Variants in SIRPG observed in about 807,000 individuals in gnomAD.
The protein encoded by SIRPG is signal-regulatory protein gamma.
SIRPG carries 38 observed loss-of-function variants against 35.7 expected under a neutral mutation model. That is an observed-to-expected ratio of 1.06 (90% CI 0.82 to 1.40). SIRPG has a LOEUF of 1.40. Among genes scored for constraint, SIRPG ranks in the 40% most tolerant of loss-of-function variants. SIRPG has a pLI of 0.00. For synonymous variants in SIRPG, 215 were observed against 190.4 expected (o/e 1.13, Z -1.06); for missense variants, 519 against 483.0 (o/e 1.07, Z -0.70).
intron 1 of SIRPG, among the ~76,000 whole-genome samples, chr20:1,653,242 G>A (rs1036524083): frequency 3.4e-4 from 52 of 152,136 alleles, no homozygotes; most frequent in Admixed American, 3.3e-3. Flanking sequence ...AGTTCAAATC[G>A]TAGCTCTACC....
chr20:1,666,703 T>C, the SIRPG span: 11 of 152,180 alleles, frequency 7.2e-5, no homozygotes, highest in Non-Finnish European at 1.6e-4. Flanking sequence ...ATGGTGTTTA[T>C]AAAGTCTACA....
the SIRPG span, among the ~76,000 whole-genome samples, chr20:1,679,066 G>A: frequency 6.6e-6 from 1 of 152,134 alleles, no homozygotes; most frequent in Non-Finnish European, 1.5e-5. Flanking sequence ...TGAATAGCAC[G>A]ATGTCTCCAG....
intron 1 of SIRPG, among the ~76,000 whole-genome samples, chr20:1,656,109 CT>C (rs1488344707): frequency 3.3e-5 from 5 of 152,220 alleles, no homozygotes; most frequent in African/African-American, 9.6e-5. Context: ...CATACATACA[CT>C]AGTGTTTTAC....
intron 2 of SIRPG, among the ~76,000 whole-genome samples, chr20:1,642,547 C>T (rs1198739717): frequency 6.6e-5 from 10 of 152,062 alleles, no homozygotes; most frequent in Admixed American, 1.3e-4. Flanking sequence ...GTCTTTTAAT[C>T]GGGGGATTTA....
the SIRPG span, among the ~76,000 whole-genome samples, chr20:1,675,063 A>G: frequency 1.3e-5 from 2 of 152,110 alleles, no homozygotes; most frequent in African/African-American, 2.4e-5. Context: ...TTCTAGAGAG[A>G]AGCCTCCCTC....
intron 2 of SIRPG, among the ~76,000 whole-genome samples, chr20:1,643,647 G>C (rs1424261625): frequency 6.6e-6 from 1 of 152,166 alleles, no homozygotes; most frequent in Non-Finnish European, 1.5e-5. Context: ...GAGGAGAAGA[G>C]GCAACTCTGG....
the SIRPG span, among the ~76,000 whole-genome samples, chr20:1,668,115 C>T: frequency 6.6e-6 from 1 of 151,608 alleles, no homozygotes; most frequent in African/African-American, 2.4e-5. Context: ...TTCACAGGAG[C>T]CCTTTCTTTC....
chr20:1,667,162 G>T, the SIRPG span, among the ~76,000 whole-genome samples: 1 of 152,190 alleles, frequency 6.6e-6, no homozygotes, highest in Non-Finnish European at 1.5e-5. Flanking sequence ...CTCTCAAAGT[G>T]CTGGGATTAC....
intron 1 of SIRPG, among the ~76,000 whole-genome samples, chr20:1,650,397 C>G (rs954505082): frequency 5.3e-5 from 8 of 151,922 alleles, no homozygotes; most frequent in African/African-American, 1.9e-4. Flanking sequence ...CAAGAACATC[C>G]AGAATGAGAA....
intron 3 of SIRPG, among the ~76,000 whole-genome samples, 171 bp downstream of exon 3, chr20:1,636,017 G>C (rs886694817): frequency 1.3e-5 from 2 of 152,184 alleles, no homozygotes; most frequent in African/African-American, 4.8e-5. Context: ...TCCCCTGACC[G>C]CTGCCAATAA....
Position 1,634,809 on chromosome 20 carries a change from T to C in SIRPG, c.1081+458A>G, listed in dbSNP as rs112053846. Among the ~76,000 whole-genome samples the C allele has an allele frequency of 6.2e-3, 945 of 151,918 alleles. 12 individuals are homozygous for C. The highest frequency in any genetic ancestry group is 0.021 in the African/African-American group (873 of 41,480). ...CTGTAATCCCAGCACTTTGGGAGGC[T>C]GAGGCGGGCGGATCACGAGGTCAGG... On this transcript the variant is annotated intron_variant, in intron 4 of 5. Transcript: ENST00000303415.
upstream of SIRPG, among the ~76,000 whole-genome samples, chr20:1,659,354 G>A (rs1366233065): frequency 6.6e-6 from 1 of 152,186 alleles, no homozygotes; most frequent in African/African-American, 2.4e-5. Flanking sequence ...CTGTTTTAAT[G>A]TGGCAGATGT....
intron 1 of SIRPG, among the ~76,000 whole-genome samples, chr20:1,652,280 A>G (rs2091945009): frequency 6.6e-6 from 1 of 152,240 alleles, no homozygotes; most frequent in East Asian, 1.9e-4. Flanking sequence ...TGTTGCAAGC[A>G]TTAACCACTG....
At chr20:1,648,662 A>T (rs2091915288) in intron 2 of SIRPG, among the ~76,000 whole-genome samples, 1 of 151,932 alleles carries the variant, frequency 6.6e-6, no homozygotes, top group Admixed American at 6.5e-5. Context: ...AAAAAAAAAT[A>T]AAAAAAAGAA....
chr20:1,641,730 G>A (rs1041786347), intron 2 of SIRPG, among the ~76,000 whole-genome samples: 11 of 152,102 alleles, frequency 7.2e-5, no homozygotes, highest in Non-Finnish European at 1.0e-4. Flanking sequence ...TGGGCATTTC[G>A]TGCTATAAAT....
chr20:1,664,381 G>A, the SIRPG span, among the ~76,000 whole-genome samples: 2 of 152,224 alleles, frequency 1.3e-5, no homozygotes, highest in African/African-American at 4.8e-5. Context: ...ACCTCAACAA[G>A]GCTGGGGAGA....
the SIRPG span, among the ~76,000 whole-genome samples, chr20:1,664,925 T>TG: frequency 0.49 from 73,731 of 151,852 alleles, 18,737 homozygotes; most frequent in East Asian, 0.82. Flanking sequence ...TACTCTACAG[T>TG]GGGATTCCTT....
rs376553556 is a variant in SIRPG, at chr20:1,649,040, T to C, written c.430+12A>G. The C allele has an allele frequency of 4.8e-5, 77 of 1,607,684 alleles. No individual in the cohort carries two copies. The highest frequency in any genetic ancestry group is 6.2e-5 in the Non-Finnish European group (73 of 1,174,878). On this transcript the variant is annotated intron_variant, in intron 2 of 5. Coordinates refer to ENST00000303415, the MANE Select transcript of SIRPG (RefSeq NM_018556.4). ...CACATCAGGGGATGAGGGAGGTCCA[T>C]GTTGTACTCACCACCCAAAGCCATC...
intron 3 of SIRPG, 94 bp from the exon 4 acceptor site, chr20:1,635,693 A>G: frequency 1.5e-6 from 2 of 1,324,348 alleles, no homozygotes; most frequent in South Asian, 1.3e-5. Context: ...CGGTGAGGGC[A>G]TCACCAGGAC....
Sources: gnomAD v4.1 joint callset for allele counts (sites outside exome capture counted in the v4.1 genomes callset) on GRCh38, gnomAD v4.1.1 for gene constraint, MANE v1.5 for transcripts, NCBI Gene and HGNC (gene_info 2026-07-23, HGNC 2026-07-21) for gene names.